The following PCDHA9 variants were observed in gnomAD, a reference collection of about 807,000 sequenced individuals.
The protein encoded by PCDHA9 is protocadherin alpha-9.
In PCDHA9, 62 loss-of-function variants were observed where a neutral mutation model predicts 62.0. That is an observed-to-expected ratio of 1.00 (90% CI 0.81 to 1.23). PCDHA9 has a LOEUF of 1.23. PCDHA9 is among the 50% of genes most tolerant of loss of function. PCDHA9 has a pLI of 0.00. For missense variants in PCDHA9, 1,205 were observed against 1,249.8 expected (o/e 0.96, Z 0.54); for synonymous variants, 557 against 567.6 (o/e 0.98, Z 0.27).
Position 140,850,727 on chromosome 5 carries a change from G to T in PCDHA9, c.2232G>T (p.Ala744=), listed in dbSNP as rs2150496154. 1.7e-5 allele frequency: 27 copies of T among 1,597,890 alleles called. 4 individuals carry two copies. The highest frequency in any genetic ancestry group is 2.2e-5 in the South Asian group (2 of 90,514). The part of the protein sequence containing the change: ...PGKPTLVCSS[A]VGSWSYSQQR... ...AGCCGACGCTGGTGTGTTCTAGCGC[G>T]GTGGGGAGTTGGTCGTACTCGCAGC... is the stretch of plus-strand genomic sequence containing the variant. Residue 744 remains alanine (A), a synonymous_variant, in exon 1 of 4, where the codon GCG becomes GCT. Transcript: ENST00000532602.
intron 1 of PCDHA9, among the ~76,000 whole-genome samples, chr5:140,941,284 TTCTCTTTC>T (rs1330714341): frequency 4.0e-5 from 5 of 124,574 alleles, no homozygotes; most frequent in African/African-American, 1.4e-4. Context: ...CTTCCTTCCT[TTCTCTTTC>T]TTTCTTTCTT....
intron 3 of PCDHA9, among the ~76,000 whole-genome samples, chr5:140,995,267 C>A (rs552857413): frequency 6.6e-6 from 1 of 152,074 alleles, no homozygotes; most frequent in Admixed American, 6.5e-5. Context: ...GAATACAAGC[C>A]CTTTGATACC....
intron 1 of PCDHA9, among the ~76,000 whole-genome samples, chr5:140,933,313 C>T (rs977318847): frequency 3.9e-5 from 6 of 151,916 alleles, no homozygotes; most frequent in African/African-American, 1.4e-4. Context: ...TATGCAATCT[C>T]GTATTCTCCT....
chr5:140,867,455 GTGTTATGACAACAT>G (rs1181061872), intron 1 of PCDHA9: 1 of 152,006 alleles, frequency 6.6e-6, no homozygotes, highest in East Asian at 1.9e-4. Flanking sequence ...TAGAGTTCTA[GTGTTATGACAACAT>G]TGGGAAAAGA....
At chr5:140,968,665 T>C (rs782078145) in intron 1 of PCDHA9, 4 of 1,614,042 alleles carry the variant, frequency 2.5e-6, no homozygotes, top group Non-Finnish European at 3.4e-6. Context: ...TGGACCTCTT[T>C]AAGGTAGAGC....
In PCDHA9 at chr5:140,855,370, A is replaced by C. The variant is rs1007316942; in HGVS notation, c.2394+4481A>C. Among the ~76,000 whole-genome samples the C allele has an allele frequency of 2.7e-5, 4 of 150,058 alleles. 1 individual carries two copies. Among genetic ancestry groups the C allele is most frequent in the Non-Finnish European group, 6.0e-5 (4 of 67,120 alleles). On this transcript the variant is annotated intron_variant, in intron 1 of 3. Transcript: ENST00000532602. ...AGTCATGTGGCTAGTGAGTAGGATA[A>C]TAGGAATCTAAATGGAGAAATGTCT...
At chr5:140,858,580 A>C in intron 1 of PCDHA9, 1 of 1,352,736 alleles carries the variant, frequency 7.4e-7, no homozygotes, top group Non-Finnish European at 1.0e-6. Flanking sequence ...CCTTTGTAAT[A>C]TAATTTATTC....
In PCDHA9 at chr5:140,883,728, A is replaced by G. The variant is rs781971725; in HGVS notation, c.2394+32839A>G. 2 of 1,613,392 alleles carry G rather than the reference A, an allele frequency of 1.2e-6. No homozygotes were observed. The highest frequency in any genetic ancestry group is 2.7e-5 in the African/African-American group (2 of 74,914). On this transcript the variant is annotated intron_variant, in intron 1 of 3. Transcript: ENST00000532602. ...GCTCAGGACGCGGACGCACAGGAGA[A>G]CGCGCTGGTCTCCTACTCGCTGGTG...
At chr5:140,896,262 T>C (rs2065465092) in intron 1 of PCDHA9, among the ~76,000 whole-genome samples, 2 of 152,258 alleles carry the variant, frequency 1.3e-5, no homozygotes, top group African/African-American at 4.8e-5. Flanking sequence ...TGTACACAGT[T>C]ATGGGATTTG....
At chr5:141,009,528 G>A in intron 3 of PCDHA9, 99 bp from the exon 4 acceptor site, 4 of 1,508,216 alleles carry the variant, frequency 2.7e-6, no homozygotes, top group Non-Finnish European at 3.5e-6. Flanking sequence ...TTCTGGGGAG[G>A]TTCAGCCTGC....
At chr5:140,906,057 C>A (rs558964545) in intron 1 of PCDHA9, among the ~76,000 whole-genome samples, 7 of 152,326 alleles carry the variant, frequency 4.6e-5, no homozygotes, top group Admixed American at 2.0e-4. Context: ...GCTGCACTGG[C>A]AGCTGATTAG....
chr5:140,980,216 G>A (rs1554241518), intron 2 of PCDHA9, among the ~76,000 whole-genome samples: 1 of 152,190 alleles, frequency 6.6e-6, no homozygotes, highest in African/African-American at 2.4e-5. Flanking sequence ...GCTTTTGCCT[G>A]CATCTGAGCT....
At chr5:140,884,698 A>G (rs782573200) in intron 1 of PCDHA9, 13 of 1,502,610 alleles carry the variant, frequency 8.7e-6, no homozygotes, top group African/African-American at 1.4e-5. Context: ...CTTAGTAAAC[A>G]CTTTAGCCTT....
intron 1 of PCDHA9, among the ~76,000 whole-genome samples, chr5:140,974,558 C>A (rs984567503): frequency 4.5e-4 from 68 of 152,132 alleles, no homozygotes; most frequent in African/African-American, 1.6e-3. Context: ...GTTGCCCAGG[C>A]TGGAGTGCAA....
intron 3 of PCDHA9, among the ~76,000 whole-genome samples, chr5:140,984,073 G>A (rs1294401230): frequency 4.6e-5 from 7 of 152,222 alleles, no homozygotes; most frequent in Non-Finnish European, 7.3e-5. Context: ...CAGTGCCAAC[G>A]ATGGAGTGAA....
chr5:140,989,889 C>T (rs1220430844), intron 3 of PCDHA9, among the ~76,000 whole-genome samples: 3 of 151,522 alleles, frequency 2.0e-5, no homozygotes, highest in Admixed American at 6.6e-5. Flanking sequence ...TTGGAGTCTC[C>T]GTTATTCACA....
intron 1 of PCDHA9, among the ~76,000 whole-genome samples, chr5:140,914,284 G>T (rs781914384): frequency 9.9e-5 from 15 of 152,022 alleles, no homozygotes; most frequent in Non-Finnish European, 2.1e-4. Flanking sequence ...ATTTATAATT[G>T]TTATATCCTC....
chr5:140,927,706 C>G lies in PCDHA9; in HGVS notation c.2395-51243C>G, dbSNP rs1584519766. The G allele has an allele frequency of 1.2e-6, 2 of 1,614,108 alleles. No homozygotes were observed. Among genetic ancestry groups the G allele is most frequent in the African/African-American group, 2.7e-5 (2 of 74,940 alleles). Reference sequence around the variant, plus strand: ...GTCCAATGGGGAAGTCCAGTACTCCCTAAGCAACAGCACGCAAGCAGAGCT... The same window carrying G: ...GTCCAATGGGGAAGTCCAGTACTCCGTAAGCAACAGCACGCAAGCAGAGCT... On this transcript the variant is annotated intron_variant, in intron 1 of 3. Coordinates refer to ENST00000532602, the MANE Select transcript of PCDHA9 (RefSeq NM_031857.2).
In PCDHA9 at chr5:140,850,779, G is replaced by A. The variant is rs1554144905; in HGVS notation, c.2284G>A (p.Glu762Lys). 6.3e-7 allele frequency: 1 copy of A among 1,598,204 alleles called. No homozygotes were observed. Among genetic ancestry groups the A allele is most frequent in the Non-Finnish European group, 8.6e-7 (1 of 1,167,724 alleles). ...GAGGAGGCAGAGGGTGTGCTCTGGC[G>A]AGGGTAAGCAGAAGACCGACCTCAT... ...QQRRQRVCSG[E>K]GKQKTDLMAF... is the part of the protein sequence containing the mutation. The change falls in exon 1 of 4, where the codon GAG (glutamate) becomes AAG (lysine). Residue 762 changes from glutamate to lysine, a missense_variant. Physicochemically the swap from Glu to Lys is moderately conservative, Grantham distance 56. Coordinates refer to ENST00000532602, the MANE Select transcript of PCDHA9 (RefSeq NM_031857.2).
Sources: allele counts gnomAD v4.1 joint callset (sites outside exome capture counted in the v4.1 genomes callset), GRCh38; gene constraint gnomAD v4.1.1; transcripts MANE v1.5; gene names NCBI Gene and HGNC (gene_info 2026-07-23, HGNC 2026-07-21).